Variants in ADGRE2 observed in about 807,000 individuals in gnomAD.
ADGRE2 encodes the protein CD97 antigen.
A neutral mutation model predicts 100.8 loss-of-function variants in ADGRE2; 83 were observed. The ratio of observed to expected loss-of-function variants is 0.82; its 90% CI spans 0.69 to 0.99. ADGRE2 has a LOEUF of 0.99. Ranked by LOEUF, ADGRE2 falls within the 50% of genes least tolerant of loss-of-function variation. The pLI is 0.00. For missense variants in ADGRE2, 814 were observed against 1,035.7 expected (o/e 0.79, Z 2.94); for synonymous variants, 355 against 413.0 (o/e 0.86, Z 1.70).
At chr19:14,769,542 A>T (rs1384678912) in intron 5 of ADGRE2, among the ~76,000 whole-genome samples, 1 of 152,158 alleles carries the variant, frequency 6.6e-6, no homozygotes, top group African/African-American at 2.4e-5. Flanking sequence ...TTCAAGAGGC[A>T]GGTCCTGCTC....
intron 14 of ADGRE2, 106 bp downstream of exon 14, chr19:14,754,848 C>A (rs1362135805): frequency 1.5e-6 from 2 of 1,293,800 alleles, no homozygotes; most frequent in African/African-American, 1.5e-5. Flanking sequence ...GCTTGCTGAC[C>A]CAGAGCTGTG....
chr19:14,766,083 C>T, intron 7 of ADGRE2, 152 bp downstream of exon 7: 10 of 1,433,054 alleles, frequency 7.0e-6, no homozygotes, highest in Admixed American at 4.0e-5. Flanking sequence ...TTCCGCAGGA[C>T]CCTTGCTCTT....
At chr19:14,736,751 AAT>A (rs1282606959) in intron 20 of ADGRE2, among the ~76,000 whole-genome samples, 18 of 136,332 alleles carry the variant, frequency 1.3e-4, no homozygotes, top group Admixed American at 3.5e-4. Flanking sequence ...GATATTTAGA[AAT>A]ATATAGATAT....
At chr19:14,724,347 A>C in the ADGRE2 span, among the ~76,000 whole-genome samples, 1 of 152,194 alleles carries the variant, frequency 6.6e-6, no homozygotes, top group African/African-American at 2.4e-5. Context: ...TCTCTTACTG[A>C]TTCACTTGGG....
At position 14,752,498 on chromosome 19, in the gene ADGRE2, G is replaced by A. The variant is rs1287404978; in HGVS notation, c.1619C>T (p.Thr540Ile). 6.2e-7 allele frequency: 1 copy of A among 1,614,016 alleles called. No homozygotes were observed. Among genetic ancestry groups the A allele is most frequent in the African/African-American group, 1.3e-5 (1 of 74,900 alleles). ...QEEDPVLTVI[T>I]YMGLSVSLLC... Reference sequence around the variant, plus strand: ...CAGAGAGACGCTCAGCCCCATGTAGGTGATGACAGTCAGCACGGGATCCTC... The same window carrying A: ...CAGAGAGACGCTCAGCCCCATGTAGATGATGACAGTCAGCACGGGATCCTC... The change falls in exon 15 of 21, where the codon ACC becomes ATC. Residue 540 changes from threonine to isoleucine, a missense_variant. By Grantham distance (89) the Thr-to-Ile change is moderately conservative. Transcript: ENST00000315576.
downstream of ADGRE2, among the ~76,000 whole-genome samples, chr19:14,729,100 T>G (rs1599766576): frequency 6.6e-6 from 1 of 152,142 alleles, no homozygotes; most frequent in Non-Finnish European, 1.5e-5. Flanking sequence ...AGTTATTGAT[T>G]AGTGCCGACG....
chr19:14,777,178 C>T (rs2147616362), intron 1 of ADGRE2: 1 of 808,280 alleles, frequency 1.2e-6, no homozygotes, highest in South Asian at 5.7e-5. Flanking sequence ...CGCCTGGGGC[C>T]ACTTGGCTCT....
At chr19:14,753,341 A>G (rs1236216479) in intron 14 of ADGRE2, among the ~76,000 whole-genome samples, 2 of 151,790 alleles carry the variant, frequency 1.3e-5, no homozygotes, top group East Asian at 1.9e-4. Flanking sequence ...GGCTGGGGTA[A>G]TTACAGGTCT....
At position 14,734,688 on chromosome 19, in the gene ADGRE2, A is replaced by G. The variant is rs1487344217; in HGVS notation, c.*1548T>C. 6.6e-6 allele frequency: 1 copy of G among 152,140 alleles called. No individual in the cohort carries two copies. Among genetic ancestry groups the G allele is most frequent in the Non-Finnish European group, 1.5e-5 (1 of 68,026 alleles). The allele number at this position is 152,140 out of a possible 1,614,324, so 9.4% of individuals were successfully genotyped here. ...GTGATCTGACCACCTCAGCCTCCCA[A>G]AGTGCTGGGATTATAGGCGTGAGCC... On this transcript the variant is annotated 3_prime_UTR_variant, in exon 21 of 21. Coordinates refer to ENST00000315576, the MANE Select transcript of ADGRE2 (RefSeq NM_013447.4).
intron 18 of ADGRE2, 70 bp from the exon 19 acceptor site, chr19:14,743,854 C>T: frequency 2.8e-6 from 4 of 1,423,644 alleles, no homozygotes; most frequent in Non-Finnish European, 9.8e-7. Flanking sequence ...TCATCTGTGC[C>T]CATGGAGTCC....
chr19:14,763,682 C>A (rs1446477476), intron 11 of ADGRE2, among the ~76,000 whole-genome samples: 1 of 97,872 alleles, frequency 1.0e-5, no homozygotes, highest in Non-Finnish European at 2.2e-5. Context: ...TCCTCCTTCT[C>A]TTCTCCTCCT....
Position 14,736,021 on chromosome 19 carries a change from T to G in ADGRE2, c.*215A>C, listed in dbSNP as rs997299858. 1.4e-5 allele frequency: 7 copies of G among 514,988 alleles called. No individual in the cohort carries two copies. Among genetic ancestry groups the G allele is most frequent in the Non-Finnish European group, 2.5e-5 (7 of 277,324 alleles). The allele number at this position is 514,988 out of a possible 1,614,324, so 31.9% of individuals were successfully genotyped here. A position where few individuals can be genotyped will look rare whatever the true frequency, so the allele number is the denominator to read the frequency against. On this transcript the variant is annotated 3_prime_UTR_variant, in exon 21 of 21. Coordinates refer to ENST00000315576, the MANE Select transcript of ADGRE2 (RefSeq NM_013447.4). ...GGGCCACAGCTGGCCGTCCATATGC[T>G]GAGAGTTTGATGAGCACATTGCAGG...
At chr19:14,773,410 T>C (rs2044297773) in intron 4 of ADGRE2, among the ~76,000 whole-genome samples, 1 of 147,594 alleles carries the variant, frequency 6.8e-6, no homozygotes, top group Non-Finnish European at 1.5e-5. Context: ...TTTCTGTCTT[T>C]TTTTTTTTTT....
At chr19:14,777,477 AAATTAATT>A (rs111477669) in intron 1 of ADGRE2, among the ~76,000 whole-genome samples, 21,175 of 151,166 alleles carry the variant, frequency 0.14, 1,474 homozygotes, top group South Asian at 0.2. Flanking sequence ...CTTTCTTTTT[AAATTAATT>A]AATTAATTAA....
Position 14,751,478 on chromosome 19 carries a change from A to G in ADGRE2, c.1982T>C (p.Ile661Thr). The G allele has an allele frequency of 1.2e-6, 2 of 1,614,154 alleles. No homozygotes were observed. The highest frequency in any genetic ancestry group is 1.7e-6 in the Non-Finnish European group (2 of 1,180,010). The change falls in exon 16 of 21, where the codon ATT becomes ACT. Residue 661 changes from isoleucine to threonine, a missense_variant. By Grantham distance (89) the Ile-to-Thr change is moderately conservative (BLOSUM62 -1). Transcript: ENST00000315576. ...AAGGTGAGGCCTGGAGGCTGCAGAAATGGCCACTGTCACAGCTGGGACTCC... is the reference window on the plus strand; with the variant it reads ...AAGGTGAGGCCTGGAGGCTGCAGAAGTGGCCACTGTCACAGCTGGGACTCC... ...GYGVPAVTVA[I>T]SAASRPHLYG...
rs2042701982 is a variant in ADGRE2 at position 14,733,737 on chromosome 19, C to T, written c.*2499G>A. 1 of 152,224 alleles carries T rather than the reference C, an allele frequency of 6.6e-6. No homozygotes were observed. The highest frequency in any genetic ancestry group is 1.5e-5 in the Non-Finnish European group (1 of 68,048). The allele number at this position is 152,224 out of a possible 1,614,324, so 9.4% of individuals were successfully genotyped here. ...TTCTCTAAAATAAACCTGTCTTAAC[C>T]ATCAAGCCACTTTTTGTGTTTCTTT... On this transcript the variant is annotated 3_prime_UTR_variant, in exon 21 of 21. Transcript: ENST00000315576.
intron 1 of ADGRE2, among the ~76,000 whole-genome samples, chr19:14,777,911 T>C (rs2044492733): frequency 6.6e-6 from 1 of 152,214 alleles, no homozygotes; most frequent in Non-Finnish European, 1.5e-5. Flanking sequence ...ACATTTGGGT[T>C]GATTCCAGGT....
intron 6 of ADGRE2, 53 bp from the exon 7 acceptor site, chr19:14,766,434 C>T (rs993237116): frequency 2.4e-5 from 37 of 1,518,898 alleles, no homozygotes; most frequent in Non-Finnish European, 2.9e-5. Context: ...CTGGGCCTGC[C>T]CTCCACTCAC....
intron 11 of ADGRE2, 88 bp downstream of exon 11, chr19:14,764,345 G>T: frequency 8.5e-7 from 1 of 1,181,292 alleles, no homozygotes; most frequent in Non-Finnish European, 1.3e-6. Flanking sequence ...TGATATACAG[G>T]TGTGGTCACT....
Sources: allele counts gnomAD v4.1 joint callset (sites outside exome capture counted in the v4.1 genomes callset), GRCh38; gene constraint gnomAD v4.1.1; transcripts MANE v1.5; gene names NCBI Gene and HGNC (gene_info 2026-07-23, HGNC 2026-07-21).